PTPN4: variants seen among roughly 807,000 people sequenced by gnomAD.
The protein encoded by PTPN4 is protein tyrosine phosphatase non-receptor type 4.
PTPN4 carries 49 observed loss-of-function variants against 135.5 expected under a neutral mutation model. The observed-to-expected ratio is 0.36, with a 90% CI of 0.29 to 0.46. PTPN4 has a LOEUF of 0.46. Among genes scored for constraint, PTPN4 ranks in the 20% least tolerant of loss-of-function variants. The pLI is 1.00. For missense variants in PTPN4, 860 were observed against 1,101.0 expected, an observed-to-expected ratio of 0.78 and a Z score of 3.10; for synonymous variants, 333 against 369.9, an observed-to-expected ratio of 0.90 and a Z score of 1.14.
chr2:119,919,113 T>C (rs1176309221), intron 11 of PTPN4, among the ~76,000 whole-genome samples: 1 of 152,222 alleles, frequency 6.6e-6, no homozygotes, highest in Non-Finnish European at 1.5e-5. Context: ...GTGGTGGTAG[T>C]AATGATCCAT....
intron 2 of PTPN4, among the ~76,000 whole-genome samples, chr2:119,818,795 A>G (rs1045324695): frequency 3.3e-5 from 5 of 152,160 alleles, no homozygotes; most frequent in Admixed American, 6.5e-5. Context: ...GCTTTTTAAG[A>G]TAGGTCTGTT....
intron 1 of PTPN4, among the ~76,000 whole-genome samples, chr2:119,766,351 A>G (rs1015625928): frequency 2.6e-5 from 4 of 152,222 alleles, no homozygotes; most frequent in African/African-American, 9.6e-5. Context: ...GCTTAAGGTA[A>G]ACTTAAGAAT....
intron 1 of PTPN4, among the ~76,000 whole-genome samples, chr2:119,803,528 A>G (rs1691411110): frequency 6.6e-6 from 1 of 152,184 alleles, no homozygotes; most frequent in African/African-American, 2.4e-5. Context: ...TTCTCAGAAT[A>G]CATTTTGCAT....
chr2:119,907,637 C>G (rs2105019837), intron 10 of PTPN4, among the ~76,000 whole-genome samples: 1 of 151,882 alleles, frequency 6.6e-6, no homozygotes, highest in Non-Finnish European at 1.5e-5. Flanking sequence ...GTATGGAACC[C>G]TAAAAGATCC....
chr2:119,932,016 G>T (rs574059705), intron 13 of PTPN4, among the ~76,000 whole-genome samples: 13 of 152,292 alleles, frequency 8.5e-5, no homozygotes, highest in Admixed American at 3.9e-4. Context: ...AGGAGATAAT[G>T]TGCGAGGAGT....
intron 3 of PTPN4, among the ~76,000 whole-genome samples, chr2:119,863,102 A>G (rs907762102): frequency 6.6e-6 from 1 of 152,124 alleles, no homozygotes; most frequent in Non-Finnish European, 1.5e-5. Context: ...TAAGATAGAG[A>G]TTAAATTTCA....
At chr2:119,950,108 A>G (rs1233291648) in intron 18 of PTPN4, among the ~76,000 whole-genome samples, 1 of 152,178 alleles carries the variant, frequency 6.6e-6, no homozygotes, top group Non-Finnish European at 1.5e-5. Flanking sequence ...TAACACATAG[A>G]CCACCTCTTT....
At position 119,952,017 on chromosome 2, in the gene PTPN4, A is replaced by G. The variant is rs1053217489; in HGVS notation, c.1701A>G (p.Val567=). 1.2e-6 allele frequency: 2 copies of G among 1,613,126 alleles called. No individual in the cohort carries two copies. Among genetic ancestry groups the G allele is most frequent in the Non-Finnish European group, 1.7e-6 (2 of 1,179,324 alleles). ...VPRLNEGDQV[V]LINGRDIAEH... Reference sequence around the variant, plus strand: ...GACTGAATGAAGGGGACCAAGTTGTACTGATCAATGGTCGGGACATTGCAG... The same window carrying G: ...GACTGAATGAAGGGGACCAAGTTGTGCTGATCAATGGTCGGGACATTGCAG... The change falls in exon 19 of 27, where the codon GTA becomes GTG. Residue 567 remains valine (V), a synonymous_variant. Transcript: ENST00000263708.
At chr2:119,768,964 C>A (rs962515804) in intron 1 of PTPN4, among the ~76,000 whole-genome samples, 3 of 152,212 alleles carry the variant, frequency 2.0e-5, no homozygotes, top group Admixed American at 1.3e-4. Flanking sequence ...ACTGAAGCAT[C>A]TTTTCTCTCC....
At chr2:119,897,019 C>T (rs1278797283) in intron 9 of PTPN4, among the ~76,000 whole-genome samples, 1 of 152,150 alleles carries the variant, frequency 6.6e-6, no homozygotes, top group Non-Finnish European at 1.5e-5. Context: ...CTCCTGGGTT[C>T]AAGTGATTCT....
chr2:119,915,136 A>G (rs755340871), intron 10 of PTPN4, 43 bp from the exon 11 acceptor site: 1 of 1,410,184 alleles, frequency 7.1e-7, no homozygotes. Context: ...TAATATTTTT[A>G]TCATTATTCA....
intron 10 of PTPN4, among the ~76,000 whole-genome samples, chr2:119,914,629 T>C (rs1678624916): frequency 6.6e-6 from 1 of 152,170 alleles, no homozygotes; most frequent in Admixed American, 6.5e-5. Context: ...TTTAGCCTTA[T>C]TACCCTTATG....
chr2:119,946,263 A>G, intron 16 of PTPN4, 78 bp from the exon 17 acceptor site: 1 of 1,131,596 alleles, frequency 8.8e-7, no homozygotes. Context: ...AAGCATACAA[A>G]AAATATGCTT....
At chr2:119,953,177 C>T (rs141483130) in intron 19 of PTPN4, among the ~76,000 whole-genome samples, 5 of 152,204 alleles carry the variant, frequency 3.3e-5, no homozygotes, top group African/African-American at 1.2e-4. Context: ...TAGACATATT[C>T]TTCTGGTTTT....
Position 119,924,782 on chromosome 2 carries a change from A to G in PTPN4, c.1002-1816A>G, listed in dbSNP as rs144238955. 2.6e-5 allele frequency among the ~76,000 whole-genome samples: 4 copies of G among 152,258 alleles called. No homozygotes were observed. In the East Asian group the frequency reaches 7.8e-4, roughly 30 times the overall value. ...CCAGCCTTTTGAGTAATAGTATCCC[A>G]TTTGAATCTTCTTCACTGGAAAATT... On this transcript the variant is annotated intron_variant, in intron 12 of 26. Coordinates refer to ENST00000263708, the MANE Select transcript of PTPN4 (RefSeq NM_002830.4).
chr2:119,944,377 T>C (rs553851502), intron 15 of PTPN4, among the ~76,000 whole-genome samples: 1 of 152,350 alleles, frequency 6.6e-6, no homozygotes, highest in South Asian at 2.1e-4. Context: ...TGTGGAATGC[T>C]CACAAGTAAT....
chr2:119,820,508 A>AT (rs879740343), intron 2 of PTPN4, among the ~76,000 whole-genome samples: 2 of 152,202 alleles, frequency 1.3e-5, no homozygotes, highest in Non-Finnish European at 2.9e-5. Context: ...GGATTCAAGA[A>AT]TCCCCCAAGG....
chr2:119,847,315 C>CAT (rs1307603803), intron 2 of PTPN4, among the ~76,000 whole-genome samples: 8,516 of 94,266 alleles, frequency 0.09, 647 homozygotes, highest in East Asian at 0.25. Flanking sequence ...CACACACACA[C>CAT]ATATATATAT....
intron 19 of PTPN4, among the ~76,000 whole-genome samples, chr2:119,954,147 C>A (rs1446241949): frequency 6.6e-6 from 1 of 151,750 alleles, no homozygotes; most frequent in Non-Finnish European, 1.5e-5. Context: ...GTTGTCATAC[C>A]TTTTTGTCTT....
Sources: gnomAD v4.1 joint callset for allele counts (sites outside exome capture counted in the v4.1 genomes callset) on GRCh38, gnomAD v4.1.1 for gene constraint, MANE v1.5 for transcripts, NCBI Gene and HGNC (gene_info 2026-07-23, HGNC 2026-07-21) for gene names.